RBMS3: variants seen among roughly 807,000 people sequenced by gnomAD.
RBMS3 encodes the protein RNA-binding motif, single-stranded-interacting protein 3.
Under a neutral mutation model 66.8 loss-of-function variants are expected in RBMS3, and 27 were observed. The observed-to-expected ratio is 0.40, with a 90% confidence interval of 0.30 to 0.56. RBMS3 has a LOEUF of 0.56. RBMS3 is among the 20% of genes least tolerant of loss of function. The pLI is 0.40. For missense variants in RBMS3, 513 were observed against 549.5 expected, an observed-to-expected ratio of 0.93 and a Z score of 0.66; for synonymous variants, 188 against 183.0, an observed-to-expected ratio of 1.03 and a Z score of -0.22.
At chr3:29,328,100 A>T (rs1225376931) in intron 1 of RBMS3, among the ~76,000 whole-genome samples, 1 of 152,196 alleles carries the variant, frequency 6.6e-6, no homozygotes, top group East Asian at 1.9e-4. Flanking sequence ...ATGTCTTGCT[A>T]ATGGCACCAT....
chr3:29,447,821 G>T (rs1198947246), intron 2 of RBMS3, among the ~76,000 whole-genome samples: 1 of 152,116 alleles, frequency 6.6e-6, no homozygotes, highest in Non-Finnish European at 1.5e-5. Context: ...CCTGTGTCTG[G>T]TCATTCTTTA....
chr3:29,770,222 A>G (rs1032211048), intron 6 of RBMS3, among the ~76,000 whole-genome samples: 5 of 151,948 alleles, frequency 3.3e-5, no homozygotes, highest in Non-Finnish European at 5.9e-5. Flanking sequence ...CCACGTCTTC[A>G]CATAGAAAGA....
chr3:29,473,141 T>A (rs893111654), intron 2 of RBMS3, among the ~76,000 whole-genome samples: 15 of 151,358 alleles, frequency 9.9e-5, no homozygotes, highest in Non-Finnish European at 1.9e-4. Context: ...GTATTTACAA[T>A]CCCTTAGCTA....
At chr3:29,411,480 G>A (rs970554303) in intron 1 of RBMS3, among the ~76,000 whole-genome samples, 2 of 152,112 alleles carry the variant, frequency 1.3e-5, no homozygotes, top group African/African-American at 2.4e-5. Context: ...TATCAGATTA[G>A]CGCCTGTTTT....
chr3:29,360,061 A>T (rs1271151084), intron 1 of RBMS3, among the ~76,000 whole-genome samples: 3 of 151,878 alleles, frequency 2.0e-5, no homozygotes, highest in East Asian at 1.9e-4. Flanking sequence ...TTCTGCTCTG[A>T]TCTTAGTTAT....
At chr3:29,730,995 T>G in intron 4 of RBMS3, 2 of 985,414 alleles carry the variant, frequency 2.0e-6, no homozygotes, top group African/African-American at 1.7e-5. Context: ...TCTGGCCACC[T>G]GTTCCAGGAC....
At chr3:29,633,615 G>A (rs549844788) in intron 4 of RBMS3, among the ~76,000 whole-genome samples, 1 of 151,598 alleles carries the variant, frequency 6.6e-6, no homozygotes, top group African/African-American at 2.4e-5. Flanking sequence ...GTGGCTAATG[G>A]GCACAAACCT....
At chr3:29,709,280 T>A (rs553006763) in intron 4 of RBMS3, among the ~76,000 whole-genome samples, 2 of 152,302 alleles carry the variant, frequency 1.3e-5, no homozygotes, top group South Asian at 4.1e-4. Flanking sequence ...ATTGTAGGAT[T>A]GTGACCCTGC....
chr3:29,603,140 A>G (rs192877252), intron 4 of RBMS3, among the ~76,000 whole-genome samples: 20 of 152,102 alleles, frequency 1.3e-4, no homozygotes, highest in African/African-American at 4.3e-4. Flanking sequence ...TTCTGAACCA[A>G]CCACAGTGCC....
At chr3:29,282,021 A>G (rs1169134913) in intron 1 of RBMS3, among the ~76,000 whole-genome samples, 1 of 152,180 alleles carries the variant, frequency 6.6e-6, no homozygotes, top group Non-Finnish European at 1.5e-5. Context: ...GGCAGCATAA[A>G]TGGTCCTGAT....
intron 4 of RBMS3, among the ~76,000 whole-genome samples, chr3:29,707,304 A>G (rs999187482): frequency 6.6e-6 from 1 of 152,240 alleles, no homozygotes; most frequent in Non-Finnish European, 1.5e-5. Context: ...GAAATAAATC[A>G]GTCTACTTTT....
At chr3:29,393,900 C>T (rs2039425603) in intron 1 of RBMS3, among the ~76,000 whole-genome samples, 1 of 152,078 alleles carries the variant, frequency 6.6e-6, no homozygotes, top group African/African-American at 2.4e-5. Flanking sequence ...TAAAAGATCA[C>T]AAGGGCAGAG....
intron 6 of RBMS3, among the ~76,000 whole-genome samples, chr3:29,848,914 A>G (rs984905368): frequency 1.3e-5 from 2 of 152,194 alleles, no homozygotes; most frequent in African/African-American, 2.4e-5. Context: ...ACATTGCTCA[A>G]TTTCACATTG....
chr3:29,450,295 A>G (rs184188678), intron 2 of RBMS3, among the ~76,000 whole-genome samples: 16 of 152,300 alleles, frequency 1.1e-4, no homozygotes, highest in Admixed American at 8.5e-4. Context: ...GTCCCTTCCC[A>G]GGTCAGCCAC....
At chr3:29,819,670 G>A (rs973015212) in intron 6 of RBMS3, among the ~76,000 whole-genome samples, 5 of 151,914 alleles carry the variant, frequency 3.3e-5, no homozygotes, top group African/African-American at 4.8e-5. Context: ...TGCAGCAATG[G>A]TTGTTCTTCA....
At chr3:29,839,314 A>G (rs1346408063) in intron 6 of RBMS3, among the ~76,000 whole-genome samples, 2 of 152,122 alleles carry the variant, frequency 1.3e-5, no homozygotes, top group Non-Finnish European at 2.9e-5. Context: ...CCTCAGTTTC[A>G]TGACTTCCCT....
chr3:29,569,621 C>G (rs575130525), intron 3 of RBMS3, among the ~76,000 whole-genome samples: 1 of 152,048 alleles, frequency 6.6e-6, no homozygotes, highest in Non-Finnish European at 1.5e-5. Flanking sequence ...GGCTTCCAAT[C>G]CCTTGTATTT....
intron 11 of RBMS3, among the ~76,000 whole-genome samples, chr3:29,943,942 C>T (rs1246367782): frequency 6.6e-6 from 1 of 151,630 alleles, no homozygotes; most frequent in Admixed American, 6.6e-5. Flanking sequence ...AGGTACCAAA[C>T]AGGCTGTGGA....
intron 3 of RBMS3, among the ~76,000 whole-genome samples, chr3:29,530,678 G>C (rs2045317381): frequency 6.7e-6 from 1 of 149,796 alleles, no homozygotes; most frequent in African/African-American, 2.5e-5. Context: ...TGGCCAACAT[G>C]GTGAAACGCC....
Sources: gnomAD v4.1 joint callset for allele counts (sites outside exome capture counted in the v4.1 genomes callset) on GRCh38, gnomAD v4.1.1 for gene constraint, MANE v1.5 for transcripts, NCBI Gene and HGNC (gene_info 2026-07-23, HGNC 2026-07-21) for gene names.